EPG5: variants seen among roughly 807,000 people sequenced by gnomAD.
EPG5 encodes the protein ectopic P granules protein 5 homolog.
In EPG5, 159 loss-of-function variants were observed where a neutral mutation model predicts 302.7. That is an observed-to-expected ratio of 0.53 (90% confidence interval 0.46 to 0.60). EPG5 has a LOEUF of 0.60. Among genes scored for constraint, EPG5 ranks in the 20% least tolerant of loss-of-function variants. The probability of loss-of-function intolerance (pLI) is 0.00; values close to 1 mark genes in which losing one functional copy is unlikely to be tolerated. For synonymous variants in EPG5, 1,158 were observed against 1,136.8 expected (o/e 1.02, Z -0.37); for missense variants, 2,896 against 3,092.4 (o/e 0.94, Z 1.51).
At position 45,920,658 on chromosome 18, in the gene EPG5, C is replaced by T. The variant is rs556052936; in HGVS notation, c.3098+1683G>A. On this transcript the variant is annotated intron_variant, in intron 16 of 43. Coordinates refer to ENST00000282041, the MANE Select transcript of EPG5 (RefSeq NM_020964.3). ...GCCAGGCTCTTCTTAACAACCAATT[C>T]TCATGGGAACTAAGAGACAAGAACT... Among the ~76,000 whole-genome samples the T allele has an allele frequency of 2.0e-5, 3 of 152,242 alleles. No individual in the cohort carries two copies. In the East Asian group the frequency reaches 5.8e-4, roughly 29 times the overall value.
the EPG5 span, among the ~76,000 whole-genome samples, chr18:45,827,793 G>A: frequency 6.6e-6 from 1 of 152,180 alleles, no homozygotes; most frequent in African/African-American, 2.4e-5. Flanking sequence ...TTTAGGTTTA[G>A]GGTGATTTCT....
At chr18:45,957,749 T>G (rs1202516114) in intron 1 of EPG5, among the ~76,000 whole-genome samples, 2 of 152,234 alleles carry the variant, frequency 1.3e-5, no homozygotes. Flanking sequence ...GTTGCTAACA[T>G]TTGCAAATTA....
chr18:45,821,708 C>T, the EPG5 span, among the ~76,000 whole-genome samples: 1 of 152,136 alleles, frequency 6.6e-6, no homozygotes, highest in African/African-American at 2.4e-5. Context: ...ACTATTCATC[C>T]TCTGCAAGGG....
intron 13 of EPG5, among the ~76,000 whole-genome samples, chr18:45,928,370 A>G (rs964621183): frequency 6.6e-6 from 1 of 152,200 alleles, no homozygotes; most frequent in Non-Finnish European, 1.5e-5. Flanking sequence ...TGTGAATTAC[A>G]TCTCAAGAAA....
chr18:45,879,467 A>C (rs1174113742), intron 32 of EPG5, among the ~76,000 whole-genome samples: 1 of 152,208 alleles, frequency 6.6e-6, no homozygotes, highest in Non-Finnish European at 1.5e-5. Context: ...TCCTGGGTTC[A>C]AGCGATTCTC....
intron 28 of EPG5, among the ~76,000 whole-genome samples, chr18:45,888,810 A>G (rs1209215777): frequency 1.3e-5 from 2 of 152,200 alleles, no homozygotes; most frequent in East Asian, 3.8e-4. Flanking sequence ...ACTAATTAAC[A>G]TTCTCATCCT....
Position 45,882,479 on chromosome 18 carries a change from A to T in EPG5, c.5313T>A (p.Leu1771=), listed in dbSNP as rs762642273. The change falls in exon 31 of 44, where the codon CTT becomes CTA. Residue 1771 remains leucine, a synonymous_variant. Coordinates refer to ENST00000282041, the MANE Select transcript of EPG5 (RefSeq NM_020964.3). ...MIFMLLTKFD[L]KQWLSATKPP... is the part of the protein sequence containing the mutation. ...GTTTAGTGGCGCTTAACCATTGTTT[A>T]AGATCGAACTAAAAAGAAAAAGAAA... 1.2e-6 allele frequency: 2 copies of T among 1,605,442 alleles called. No individual in the cohort carries two copies. Among genetic ancestry groups the T allele is most frequent in the Admixed American group, 3.5e-5 (2 of 57,770 alleles).
At chr18:45,880,499 AC>A (rs1412851266) in intron 31 of EPG5, among the ~76,000 whole-genome samples, 1 of 151,870 alleles carries the variant, frequency 6.6e-6, no homozygotes, top group Non-Finnish European at 1.5e-5. Flanking sequence ...GGGAGACCTG[AC>A]CCTCCGACCC....
intron 10 of EPG5, among the ~76,000 whole-genome samples, chr18:45,937,349 TAC>T (rs2050558959): frequency 1.3e-5 from 2 of 150,010 alleles, no homozygotes; most frequent in Admixed American, 1.3e-4. Flanking sequence ...TATATAGATA[TAC>T]ACATATATAT....
At chr18:45,869,928 TA>T (rs72108364) in intron 36 of EPG5, among the ~76,000 whole-genome samples, 20,659 of 139,620 alleles carry the variant, frequency 0.15, 1,865 homozygotes, top group East Asian at 0.36. Context: ...AGAGTGTAAT[TA>T]AAAAAAAAAA....
At chr18:45,835,245 C>T in the EPG5 span, among the ~76,000 whole-genome samples, 11 of 152,116 alleles carry the variant, frequency 7.2e-5, no homozygotes, top group African/African-American at 1.9e-4. Flanking sequence ...AAGTAAGAGA[C>T]CCCATGGCCG....
At position 45,907,626 on chromosome 18, in the gene EPG5, G is replaced by A. The variant is rs562012411; in HGVS notation, c.4329+332C>T. On this transcript the variant is annotated intron_variant, in intron 24 of 43. Coordinates refer to ENST00000282041, the MANE Select transcript of EPG5 (RefSeq NM_020964.3). ...ATTCTTACACTGCATGTAAGAATGG[G>A]AGTAGAGATAATTGCTTAAAGGTAT... is the stretch of plus-strand genomic sequence containing the variant. 2.6e-5 allele frequency among the ~76,000 whole-genome samples: 4 copies of A among 152,182 alleles called. No homozygotes were observed. In the East Asian group the frequency reaches 7.7e-4, roughly 29 times the overall value.
rs149971391 is a variant in EPG5 at position 45,965,320 on chromosome 18, G to T, written c.63+1857C>A. ...TTGAGGGCAGAAGGTGGGAAGAAGG[G>T]AAGGATAAAAAAACCACCTGTCAAG... On this transcript the variant is annotated intron_variant, in intron 1 of 43. Coordinates refer to ENST00000282041, the MANE Select transcript of EPG5 (RefSeq NM_020964.3). Among the ~76,000 whole-genome samples the T allele has an allele frequency of 7.0e-3, 1,064 of 152,260 alleles. 11 individuals carry two copies. Among genetic ancestry groups the T allele is most frequent in the African/African-American group, 0.024 (1,000 of 41,540 alleles).
At position 45,878,599 on chromosome 18, in the gene EPG5, T is replaced by C. The variant is rs528500386; in HGVS notation, c.5870-151A>G. On this transcript the variant is annotated intron_variant, in intron 33 of 43. Coordinates refer to ENST00000282041, the MANE Select transcript of EPG5 (RefSeq NM_020964.3). ...AACATGCTTAGTGTAACTATGTATG[T>C]TTACGTTTTCATTGGCTACACTGGA... The C allele has an allele frequency of 4.7e-4, 278 of 588,170 alleles. 1 individual carries two copies. In the South Asian group the frequency reaches 6.2e-3, roughly 13 times the overall value. 36.4% of individuals were successfully genotyped at this position (588,170 alleles called of 1,614,324 possible). A position where few individuals can be genotyped will look rare whatever the true frequency, so the allele number is the denominator to read the frequency against.
intron 41 of EPG5, 147 bp from the exon 42 acceptor site, chr18:45,858,215 G>T (rs1389116392): frequency 1.1e-5 from 7 of 648,606 alleles, no homozygotes; most frequent in Non-Finnish European, 1.9e-5. Context: ...AGAGCCATGG[G>T]ATTGTAACCA....
chr18:45,844,565 G>T (rs1403511608), downstream of EPG5, among the ~76,000 whole-genome samples: 1 of 152,066 alleles, frequency 6.6e-6, no homozygotes, highest in African/African-American at 2.4e-5. Flanking sequence ...TTTTAAAAAA[G>T]AGGCAGTGAT....
At chr18:45,819,970 ATTTTG>A in the EPG5 span, among the ~76,000 whole-genome samples, 3 of 152,230 alleles carry the variant, frequency 2.0e-5, no homozygotes, top group South Asian at 6.2e-4. Flanking sequence ...CATCATCCTC[ATTTTG>A]CACAGGAAAT....
intron 9 of EPG5, among the ~76,000 whole-genome samples, chr18:45,942,487 C>T (rs1220491750): frequency 2.0e-5 from 3 of 152,046 alleles, no homozygotes; most frequent in Admixed American, 1.3e-4. Flanking sequence ...CCTGTAATCC[C>T]AGCTACTCAG....
intron 15 of EPG5, 104 bp from the exon 16 acceptor site, chr18:45,922,704 G>C (rs571985795): frequency 1.5e-6 from 2 of 1,343,002 alleles, no homozygotes; most frequent in African/African-American, 2.9e-5. Context: ...TCAACGCAGA[G>C]GAATATTCTA....
Sources: allele counts gnomAD v4.1 joint callset (sites outside exome capture counted in the v4.1 genomes callset), GRCh38; gene constraint gnomAD v4.1.1; transcripts MANE v1.5; gene names NCBI Gene and HGNC (gene_info 2026-07-23, HGNC 2026-07-21).